AGTPBP1: variants seen among roughly 807,000 people sequenced by gnomAD.
AGTPBP1 encodes cytosolic carboxypeptidase 1.
In AGTPBP1, 70 loss-of-function variants were observed where a neutral mutation model predicts 143.9. That is an observed-to-expected ratio of 0.49 (90% CI 0.40 to 0.59). AGTPBP1 has a LOEUF of 0.59. AGTPBP1 is among the 20% of genes least tolerant of loss of function. AGTPBP1 has a pLI of 0.00. For synonymous variants in AGTPBP1, 463 were observed against 500.2 expected (o/e 0.93, Z 0.99); for missense variants, 1,229 against 1,464.5 (o/e 0.84, Z 2.62).
intron 25 of AGTPBP1, among the ~76,000 whole-genome samples, chr9:85,573,109 C>T (rs10868325): frequency 2.1e-4 from 32 of 151,730 alleles, no homozygotes; most frequent in East Asian, 1.2e-3. Flanking sequence ...CCCTTCCCCA[C>T]GGTCTCCCTC....
intron 17 of AGTPBP1, among the ~76,000 whole-genome samples, chr9:85,616,294 A>G (rs1175585575): frequency 6.6e-6 from 1 of 152,032 alleles, no homozygotes; most frequent in Admixed American, 6.5e-5. Flanking sequence ...AAATTTAAAA[A>G]TAAAGCAGCC....
At chr9:85,743,148 G>A (rs576756419), upstream of AGTPBP1, among the ~76,000 whole-genome samples, 1 of 152,158 alleles carries the variant, frequency 6.6e-6, no homozygotes, top group Non-Finnish European at 1.5e-5. Context: ...AATCAGAAAC[G>A]TATTATCTGA....
In AGTPBP1 at chr9:85,692,765, C is replaced by T; in HGVS notation, c.81G>A (p.Lys27=). 2 of 1,613,964 alleles carry T rather than the reference C, an allele frequency of 1.2e-6. No homozygotes were observed. The highest frequency in any genetic ancestry group is 1.7e-6 in the Non-Finnish European group (2 of 1,179,900). Residue 27 remains lysine (K), a synonymous_variant, in exon 3 of 26, where the codon AAG becomes AAA. Transcript: ENST00000357081. ...RIVGLLAQLE[K]INAEPSESDT... ...CTGATTCTGAAGGCTCAGCATTGAT[C>T]TTCTCCAGTTGAGCCAGGAGTCCTA...
upstream of AGTPBP1, among the ~76,000 whole-genome samples, chr9:85,742,620 A>G (rs1313676165): frequency 1.3e-5 from 2 of 152,226 alleles, no homozygotes; most frequent in African/African-American, 4.8e-5. Context: ...ATGCTGATTT[A>G]CTGTTTTTTG....
Position 85,626,187 on chromosome 9 carries a change from TACA to T in AGTPBP1, c.2016-4905_2016-4903del, listed in dbSNP as rs1233532122. On this transcript the variant is annotated intron_variant, in intron 14 of 25. Transcript: ENST00000357081. ...ATTTTTTAAATGTTAGTGTGCTATCTACATTGAGATACGAATCTTACTTATAAT... is the reference window on the plus strand; with the variant it reads ...ATTTTTTAAATGTTAGTGTGCTATCTTTGAGATACGAATCTTACTTATAAT... Among the ~76,000 whole-genome samples the T allele has an allele frequency of 2.0e-5, 3 of 152,188 alleles. No individual in the cohort carries two copies. The East Asian group carries it at 5.8e-4, about 29-fold the overall frequency.
At chr9:85,578,337 G>A (rs1267586490) in intron 24 of AGTPBP1, among the ~76,000 whole-genome samples, 2 of 152,220 alleles carry the variant, frequency 1.3e-5, no homozygotes, top group African/African-American at 4.8e-5. Context: ...AAGGCTGGCT[G>A]TGGTGGCTCA....
At chr9:85,685,751 G>A (rs1295999726) in intron 3 of AGTPBP1, among the ~76,000 whole-genome samples, 1 of 151,946 alleles carries the variant, frequency 6.6e-6, no homozygotes, top group Non-Finnish European at 1.5e-5. Context: ...TCTTTTTAAT[G>A]TCTTTAAAAC....
intron 25 of AGTPBP1, among the ~76,000 whole-genome samples, chr9:85,551,676 G>C (rs1416907750): frequency 6.6e-6 from 1 of 152,162 alleles, no homozygotes; most frequent in African/African-American, 2.4e-5. Context: ...CAAGGCACAA[G>C]ACCAATCACA....
At chr9:85,730,735 CTCTA>C (rs1291923342) in intron 1 of AGTPBP1, among the ~76,000 whole-genome samples, 1 of 152,212 alleles carries the variant, frequency 6.6e-6, no homozygotes, top group African/African-American at 2.4e-5. Flanking sequence ...TGGAAACGCA[CTCTA>C]TCTTAGTCCT....
chr9:85,688,096 T>TAAAAAAAAAAAAAAA (rs58523894), intron 3 of AGTPBP1, among the ~76,000 whole-genome samples: 5 of 34,702 alleles, frequency 1.4e-4, no homozygotes, highest in Non-Finnish European at 2.4e-4. Flanking sequence ...GTCTCAAAAT[T>TAAAAAAAAAAAAAAA]AAAAAAAAAA....
intron 17 of AGTPBP1, among the ~76,000 whole-genome samples, chr9:85,603,071 A>C (rs1390140991): frequency 1.3e-5 from 2 of 152,176 alleles, no homozygotes; most frequent in Non-Finnish European, 2.9e-5. Context: ...ATAAACTTGA[A>C]AGGCAGTCTA....
At chr9:85,759,479 G>A in the AGTPBP1 span, among the ~76,000 whole-genome samples, 6 of 151,436 alleles carry the variant, frequency 4.0e-5, no homozygotes, top group Non-Finnish European at 7.4e-5. Flanking sequence ...ACTCAAAACC[G>A]CTCAACTACA....
chr9:85,747,277 G>T, the AGTPBP1 span, among the ~76,000 whole-genome samples: 1 of 152,112 alleles, frequency 6.6e-6, no homozygotes, highest in Non-Finnish European at 1.5e-5. Context: ...GATTATTGTA[G>T]GATTATATTA....
intron 24 of AGTPBP1, among the ~76,000 whole-genome samples, chr9:85,578,038 C>T (rs62566890): frequency 0.017 from 2,575 of 152,148 alleles, 32 homozygotes; most frequent in Middle Eastern, 0.054. Context: ...ATGGAATGAG[C>T]GGAATAATTA....
intron 2 of AGTPBP1, among the ~76,000 whole-genome samples, chr9:85,706,942 TTA>T (rs1837052652): frequency 6.6e-6 from 1 of 150,590 alleles, no homozygotes; most frequent in African/African-American, 2.4e-5. Flanking sequence ...ACTATATATT[TTA>T]AAAAAAAAAG....
the AGTPBP1 span, among the ~76,000 whole-genome samples, chr9:85,749,905 G>A: frequency 2.7e-5 from 4 of 150,386 alleles, no homozygotes; most frequent in East Asian, 1.9e-4. Context: ...TTTTTGAGAC[G>A]GAGTCTCTCT....
chr9:85,595,881 T>C (rs184865657), intron 18 of AGTPBP1, among the ~76,000 whole-genome samples: 148 of 152,318 alleles, frequency 9.7e-4, no homozygotes, highest in Middle Eastern at 6.8e-3. Context: ...CAGTCAAAGA[T>C]GAACTGTGTT....
chr9:85,722,536 C>T (rs996028881), intron 1 of AGTPBP1, among the ~76,000 whole-genome samples: 3 of 152,144 alleles, frequency 2.0e-5, no homozygotes, highest in African/African-American at 7.2e-5. Flanking sequence ...AATTTAAGGT[C>T]TTCTTTATAC....
chr9:85,562,572 C>T (rs1000509925), intron 25 of AGTPBP1, among the ~76,000 whole-genome samples: 2 of 152,126 alleles, frequency 1.3e-5, no homozygotes, highest in African/African-American at 4.8e-5. Context: ...TAATTTACAT[C>T]TAATCTTTAA....
Sources: allele counts gnomAD v4.1 joint callset (sites outside exome capture counted in the v4.1 genomes callset), GRCh38; gene constraint gnomAD v4.1.1; transcripts MANE v1.5; gene names NCBI Gene and HGNC (gene_info 2026-07-23, HGNC 2026-07-21).